The following COA8 variants were observed in gnomAD, a reference collection of about 807,000 sequenced individuals.
COA8 encodes cytochrome c oxidase assembly factor 8, also known as UPF0671 protein C14orf153.
In COA8, 20 loss-of-function variants were observed where a neutral mutation model predicts 22.0. That is an observed-to-expected ratio of 0.91 (90% CI 0.64 to 1.32). The LOEUF (loss-of-function observed/expected upper bound fraction) is 1.32, where lower values mean the gene tolerates loss of function less well. COA8 is among the 40% of genes most tolerant of loss of function. COA8 has a pLI of 0.00. For synonymous variants in COA8, 105 were observed against 79.9 expected, an observed-to-expected ratio of 1.31 and a Z score of -1.68; for missense variants, 266 against 230.0, an observed-to-expected ratio of 1.16 and a Z score of -1.01.
rs757218281 is a variant in COA8, at chr14:103,563,025, G to A, written c.24G>A (p.Lys8=). MVVLRAG[K]KTFLPPLCRA... is the part of the protein sequence containing the mutation. ...CCATGGTGGTCTTGCGGGCGGGGAA[G>A]AAGACCTTTCTCCCCCCTCTCTGCC... The change falls in exon 1 of 5, where the codon AAG becomes AAA. Residue 8 remains lysine, a synonymous_variant. Transcript: ENST00000409074. 91 of 1,555,962 alleles carry A rather than the reference G, an allele frequency of 5.8e-5. No individual in the cohort carries two copies. Among genetic ancestry groups the A allele is most frequent in the Non-Finnish European group, 7.5e-5 (87 of 1,156,818 alleles).
chr14:103,581,804 A>G lies in COA8; in HGVS notation c.386-5470A>G. On this transcript the variant is annotated intron_variant, in intron 3 of 4. Coordinates refer to ENST00000409074, the MANE Select transcript of COA8 (RefSeq NM_001370595.2). This position sits in a 1 kb window ranked among gnomAD's most constrained non-coding sequence, Gnocchi z 4.1. Reference sequence around the variant, plus strand: ...CTAGACCTGCCCGGGCGGCCAGAGGACACGTGGCTCCTGTCCTGTCTGCCG... The same window carrying G: ...CTAGACCTGCCCGGGCGGCCAGAGGGCACGTGGCTCCTGTCCTGTCTGCCG... 2.5e-6 allele frequency: 1 copy of G among 394,214 alleles called. No homozygotes were observed. Among genetic ancestry groups the G allele is most frequent in the South Asian group, 1.4e-4 (1 of 6,986 alleles). 24.4% of individuals were successfully genotyped at this position (394,214 alleles called of 1,614,324 possible).
Position 103,590,770 on chromosome 14 carries a change from G to A in COA8, c.*484G>A, listed in dbSNP as rs149227771. On this transcript the variant is annotated 3_prime_UTR_variant, in exon 5 of 5. Coordinates refer to ENST00000409074, the MANE Select transcript of COA8 (RefSeq NM_001370595.2). ...AGCTGCTCTGGAGGCTGAGGCATGC[G>A]ACGCTTGAACCCAGGAGGCGGAGGT... 1.2e-3 allele frequency: 185 copies of A among 152,984 alleles called. No individual in the cohort carries two copies. The highest frequency in any genetic ancestry group is 1.8e-3 in the Non-Finnish European group (126 of 68,604). The allele number at this position is 152,984 out of a possible 1,614,324, so 9.5% of individuals were successfully genotyped here. A position where few individuals can be genotyped will look rare whatever the true frequency, so the allele number is the denominator to read the frequency against.
At chr14:103,572,009 T>C (rs946270329) in intron 2 of COA8, among the ~76,000 whole-genome samples, 189 bp downstream of exon 2, 6 of 151,406 alleles carry the variant, frequency 4.0e-5, no homozygotes, top group African/African-American at 9.7e-5. Flanking sequence ...CGCCTGTAGT[T>C]CCAGCTACTC....
chr14:103,586,254 C>G (rs1190147038), intron 3 of COA8, among the ~76,000 whole-genome samples: 2 of 139,712 alleles, frequency 1.4e-5, no homozygotes, highest in Non-Finnish European at 3.0e-5. Context: ...GTTGCCCAGG[C>G]TGGAGTGCAG....
Position 103,581,743 on chromosome 14 carries a change from G to A in COA8, c.386-5531G>A, listed in dbSNP as rs944622455. On this transcript the variant is annotated intron_variant, in intron 3 of 4. Transcript: ENST00000409074. The surrounding 1 kb of genome is among the most constrained non-coding windows in gnomAD (Gnocchi z 4.1). ...AACTGAAGGGAAAAGCAGAGCAGGGGGCTGTAGAGTTAAACTGTTCTTCAT... is the reference window on the plus strand; with the variant it reads ...AACTGAAGGGAAAAGCAGAGCAGGGAGCTGTAGAGTTAAACTGTTCTTCAT... 2.5e-6 allele frequency: 1 copy of A among 397,362 alleles called. No individual in the cohort carries two copies. 24.6% of individuals were successfully genotyped at this position (397,362 alleles called of 1,614,324 possible).
intron 1 of COA8, among the ~76,000 whole-genome samples, chr14:103,565,142 T>C (rs1282706254): frequency 6.6e-6 from 1 of 151,574 alleles, no homozygotes; most frequent in African/African-American, 2.4e-5. Flanking sequence ...CTTTTTTTAG[T>C]AGAGATGGGG....
At chr14:103,564,098 A>G (rs1028427582) in intron 1 of COA8, among the ~76,000 whole-genome samples, 1 of 152,072 alleles carries the variant, frequency 6.6e-6, no homozygotes, top group Non-Finnish European at 1.5e-5. Flanking sequence ...GGTTGCTGTG[A>G]GTCGAGATCG....
At chr14:103,585,603 G>A (rs2076300276) in intron 3 of COA8, among the ~76,000 whole-genome samples, 1 of 121,840 alleles carries the variant, frequency 8.2e-6, no homozygotes, top group African/African-American at 3.0e-5. Flanking sequence ...TTGAAACAGA[G>A]TCTCGCTCTG....
chr14:103,563,009 T>C lies in COA8; in HGVS notation c.8T>C (p.Val3Ala), dbSNP rs61733762. Residue 3 changes from valine to alanine, a missense_variant, in exon 1 of 5, where the codon GTC (valine) becomes GCC (alanine). Val to Ala is a moderately conservative substitution (Grantham distance 64, BLOSUM62 0). Transcript: ENST00000409074. ...GCCAGGGGGCGTGGGGCCATGGTGG[T>C]CTTGCGGGCGGGGAAGAAGACCTTT... The part of the protein sequence containing the change: MV[V>A]LRAGKKTFLP... 7,699 of 1,558,348 alleles carry C rather than the reference T, an allele frequency of 4.9e-3. 336 individuals are homozygous for C. In the African/African-American group the frequency reaches 0.091, roughly 18 times the overall value.
intron 2 of COA8, 29 bp from the exon 3 acceptor site, chr14:103,574,078 C>CCTT: frequency 9.9e-7 from 1 of 1,012,756 alleles, no homozygotes; most frequent in Non-Finnish European, 1.3e-6. Context: ...TTCTGAGAGC[C>CCTT]TTTTTTTTTT....
At chr14:103,563,257 A>G in intron 1 of COA8, 133 bp downstream of exon 1, 2 of 1,248,266 alleles carry the variant, frequency 1.6e-6, no homozygotes, top group Admixed American at 2.0e-5. Context: ...TCCTATCCCG[A>G]ACAGTCCCGC....
chr14:103,563,133 G>C lies in COA8; in HGVS notation c.123+9G>C, dbSNP rs764475038. The C allele has an allele frequency of 3.2e-6, 5 of 1,539,368 alleles. No homozygotes were observed. The Admixed American group carries it at 7.8e-5, about 24-fold the overall frequency. On this transcript the variant is annotated intron_variant, in intron 1 of 4. Coordinates refer to ENST00000409074, the MANE Select transcript of COA8 (RefSeq NM_001370595.2). ...ATACGGCGCCCAGCGGGGTAAGCAG[G>C]GGCCTGGGGACATTGGGCCGGGAGG...
chr14:103,582,737 C>CTTTTTTTTTTTTTT lies in COA8; in HGVS notation c.386-4534_386-4521dup, dbSNP rs61102383. Among the ~76,000 whole-genome samples, 5 of 120,926 alleles carry CTTTTTTTTTTTTTT rather than the reference C, an allele frequency of 4.1e-5. 1 individual carries two copies. The highest frequency in any genetic ancestry group is 1.3e-4 in the African/African-American group (4 of 29,654). 79.3% of individuals were successfully genotyped at this position (120,926 alleles called of 152,430 possible). A position where few individuals can be genotyped will look rare whatever the true frequency, so the allele number is the denominator to read the frequency against. The stretch of plus-strand genomic sequence containing the variant: ...TCACATACCATAAAATTCACCCTGC[C>CTTTTTTTTTTTTTT]TTTTTTTTTTTTTTTTGAGATGGAG... On this transcript the variant is annotated intron_variant, in intron 3 of 4. Transcript: ENST00000409074.
At chr14:103,572,085 C>T (rs2076192392) in intron 2 of COA8, among the ~76,000 whole-genome samples, 1 of 151,500 alleles carries the variant, frequency 6.6e-6, no homozygotes, top group Admixed American at 6.6e-5. Flanking sequence ...GGAGATTGCG[C>T]CACTGCACTC....
Position 103,563,140 on chromosome 14 carries a change from G to C in COA8, c.123+16G>C. On this transcript the variant is annotated intron_variant, in intron 1 of 4. Transcript: ENST00000409074. Reference sequence around the variant, plus strand: ...GCCCAGCGGGGTAAGCAGGGGCCTGGGGACATTGGGCCGGGAGGGGTGACC... The same window carrying C: ...GCCCAGCGGGGTAAGCAGGGGCCTGCGGACATTGGGCCGGGAGGGGTGACC... 2 of 1,541,044 alleles carry C rather than the reference G, an allele frequency of 1.3e-6. No homozygotes were observed. The highest frequency in any genetic ancestry group is 1.7e-6 in the Non-Finnish European group (2 of 1,149,384).
intron 3 of COA8, among the ~76,000 whole-genome samples, chr14:103,580,692 T>G (rs1484748846): frequency 6.6e-6 from 1 of 151,694 alleles, no homozygotes. Flanking sequence ...AGATGAGGTC[T>G]CCCATGTTGG....
intron 1 of COA8, among the ~76,000 whole-genome samples, chr14:103,568,641 ATATAT>A (rs1158674433): frequency 4.6e-5 from 6 of 129,252 alleles, no homozygotes; most frequent in Non-Finnish European, 8.5e-5. Flanking sequence ...ATATATATAT[ATATAT>A]AGTGACAGGG....
In COA8 at chr14:103,582,888, C is replaced by T. The variant is rs557291687; in HGVS notation, c.386-4386C>T. The stretch of plus-strand genomic sequence containing the variant: ...ATTTTCATCACCTCAAGAAGAAACC[C>T]CACACCCATTAGCCAGTCTCAATTC... On this transcript the variant is annotated intron_variant, in intron 3 of 4. Transcript: ENST00000409074. Among the ~76,000 whole-genome samples the T allele has an allele frequency of 2.0e-5, 3 of 152,130 alleles. No individual in the cohort carries two copies. The South Asian group carries it at 6.2e-4, about 32-fold the overall frequency.
At chr14:103,582,613 G>A (rs904093020) in intron 3 of COA8, among the ~76,000 whole-genome samples, 9 of 152,128 alleles carry the variant, frequency 5.9e-5, no homozygotes, top group East Asian at 3.8e-4. Context: ...AGGAGTGTGC[G>A]TGATGAAACC....
Sources: gnomAD v4.1 joint callset for allele counts (sites outside exome capture counted in the v4.1 genomes callset) on GRCh38, gnomAD v4.1.1 for gene constraint, Gnocchi (gnomAD v3.1) non-coding constraint, MANE v1.5 for transcripts, NCBI Gene and HGNC (gene_info 2026-07-23, HGNC 2026-07-21) for gene names.